MRTFB: variants seen among roughly 807,000 people sequenced by gnomAD.
MRTFB encodes myocardin-related transcription factor B.
Under a neutral mutation model 104.2 loss-of-function variants are expected in MRTFB, and 29 were observed. That is an observed-to-expected ratio of 0.28 (90% confidence interval 0.21 to 0.38). MRTFB has a LOEUF of 0.38. MRTFB is among the 10% of genes least tolerant of loss of function. MRTFB has a pLI of 1.00. For synonymous variants in MRTFB, 535 were observed against 519.5 expected (o/e 1.03, Z -0.41); for missense variants, 1,270 against 1,341.6 (o/e 0.95, Z 0.83).
At chr16:14,098,214 A>G (rs1381411637) in intron 2 of MRTFB, among the ~76,000 whole-genome samples, 3 of 152,274 alleles carry the variant, frequency 2.0e-5, no homozygotes, top group Middle Eastern at 3.4e-3. Flanking sequence ...GCAGTACATG[A>G]GAATTCCAGT....
intron 2 of MRTFB, among the ~76,000 whole-genome samples, chr16:14,132,689 T>A (rs2037499081): frequency 6.6e-6 from 1 of 152,238 alleles, no homozygotes; most frequent in Admixed American, 6.5e-5. Flanking sequence ...GTTGCTGATT[T>A]GAGATGCCCC....
At chr16:14,134,101 G>A (rs1327673652) in intron 2 of MRTFB, among the ~76,000 whole-genome samples, 1 of 152,206 alleles carries the variant, frequency 6.6e-6, no homozygotes. Flanking sequence ...TGGAGGGTTA[G>A]TGTGCAGTTT....
chr16:14,052,178 T>C, the MRTFB span, among the ~76,000 whole-genome samples: 1 of 152,044 alleles, frequency 6.6e-6, no homozygotes, highest in African/African-American at 2.4e-5. Context: ...GTTCTTTACG[T>C]GGTAGGATTG....
intron 1 of MRTFB, among the ~76,000 whole-genome samples, chr16:14,077,207 G>C (rs1287196769): frequency 6.6e-6 from 1 of 152,114 alleles, no homozygotes; most frequent in East Asian, 1.9e-4. Flanking sequence ...ATCTGCCCGT[G>C]TTTTCTTTTA....
the MRTFB span, among the ~76,000 whole-genome samples, chr16:14,006,720 T>A: frequency 6.7e-6 from 1 of 149,066 alleles, no homozygotes; most frequent in African/African-American, 2.5e-5. Flanking sequence ...TTTTTTTTTT[T>A]AAAGAGCTTT....
chr16:14,089,245 TCTGA>T (rs1348916799), intron 2 of MRTFB, among the ~76,000 whole-genome samples: 14 of 152,178 alleles, frequency 9.2e-5, no homozygotes, highest in African/African-American at 2.7e-4. Flanking sequence ...ACCCATCACT[TCTGA>T]CTAATTCCAG....
In MRTFB at chr16:14,248,969, C is replaced by T; in HGVS notation, c.2291C>T (p.Thr764Ile). The T allele has an allele frequency of 6.2e-7, 1 of 1,614,218 alleles. No individual in the cohort carries two copies. The highest frequency in any genetic ancestry group is 8.5e-7 in the Non-Finnish European group (1 of 1,180,036). ...AGMQTQPQIA[T>I]AAQIPTAALA... ...ATGCAGACTCAGCCTCAGATAGCAA[C>T]TGCTGCACAAATACCAACTGCTGCC... The change falls in exon 13 of 17, where the codon ACT becomes ATT. Residue 764 changes from threonine to isoleucine, a missense_variant. This residue lies in a region of MRTFB where 1,144 missense variants were observed against 1,131.5 expected (regional missense o/e 1.01). Transcript: ENST00000571589.
At chr16:14,085,615 T>A (rs2034661978) in intron 2 of MRTFB, among the ~76,000 whole-genome samples, 1 of 152,122 alleles carries the variant, frequency 6.6e-6, no homozygotes, top group Non-Finnish European at 1.5e-5. Context: ...TGGTATTTTA[T>A]TCACTGGTTT....
intron 3 of MRTFB, among the ~76,000 whole-genome samples, chr16:14,183,588 T>G (rs1261267031): frequency 2.0e-5 from 3 of 152,158 alleles, no homozygotes; most frequent in Non-Finnish European, 4.4e-5. Context: ...TGATATTGAT[T>G]ATTATATTTT....
the MRTFB span, among the ~76,000 whole-genome samples, chr16:14,009,000 G>A: frequency 6.9e-6 from 1 of 143,894 alleles, no homozygotes; most frequent in Non-Finnish European, 1.5e-5. Flanking sequence ...CCAGGCTGGA[G>A]TACAGTGGCC....
intron 2 of MRTFB, among the ~76,000 whole-genome samples, chr16:14,129,121 A>T (rs1254844805): frequency 6.6e-6 from 1 of 152,244 alleles, no homozygotes; most frequent in Admixed American, 6.5e-5. Context: ...GTAGTATTCC[A>T]TTGGATGCAT....
intron 3 of MRTFB, among the ~76,000 whole-genome samples, chr16:14,154,634 G>A (rs1025044682): frequency 2.0e-5 from 3 of 152,196 alleles, no homozygotes; most frequent in Non-Finnish European, 2.9e-5. Flanking sequence ...AGGAATTCAG[G>A]CATGTCTTAG....
the MRTFB span, among the ~76,000 whole-genome samples, chr16:14,062,564 C>G: frequency 1.3e-5 from 2 of 152,182 alleles, no homozygotes; most frequent in Non-Finnish European, 2.9e-5. Context: ...CTCCCCACTA[C>G]CCCCGGTGAG....
At chr16:14,244,114 A>G (rs1408534424) in intron 10 of MRTFB, among the ~76,000 whole-genome samples, 1 of 152,068 alleles carries the variant, frequency 6.6e-6, no homozygotes, top group Non-Finnish European at 1.5e-5. Context: ...TCCTGACCTC[A>G]TGATCTGCCC....
intron 8 of MRTFB, among the ~76,000 whole-genome samples, chr16:14,222,973 C>CA (rs142294237): frequency 0.028 from 4,293 of 151,780 alleles, 69 homozygotes; most frequent in Middle Eastern, 0.086. Context: ...TTAAATCCAA[C>CA]AGTTCAAGTC....
the MRTFB span, among the ~76,000 whole-genome samples, chr16:14,040,623 C>A: frequency 2.0e-5 from 3 of 151,984 alleles, no homozygotes; most frequent in Non-Finnish European, 4.4e-5. Context: ...CCACCACAAC[C>A]GGCTAATTTT....
intron 2 of MRTFB, among the ~76,000 whole-genome samples, chr16:14,108,439 T>C (rs548392848): frequency 6.6e-5 from 10 of 152,298 alleles, no homozygotes; most frequent in Non-Finnish European, 1.5e-4. Context: ...AAATGCATAG[T>C]GGTAACATAC....
intron 9 of MRTFB, among the ~76,000 whole-genome samples, chr16:14,234,672 A>G (rs1192777527): frequency 6.6e-6 from 1 of 152,046 alleles, no homozygotes; most frequent in Non-Finnish European, 1.5e-5. Context: ...GTGCATGCCT[A>G]TAGTCTCAGC....
chr16:14,249,130 T>G, intron 13 of MRTFB, 49 bp downstream of exon 13: 1 of 1,586,520 alleles, frequency 6.3e-7, no homozygotes, highest in Non-Finnish European at 8.6e-7. Context: ...TTTACCATCC[T>G]CCGATCATCC....
Sources: gnomAD v4.1 joint callset for allele counts (sites outside exome capture counted in the v4.1 genomes callset) on GRCh38, gnomAD v4.1.1 for gene constraint, gnomAD v4.1.1 regional missense constraint, MANE v1.5 for transcripts, NCBI Gene and HGNC (gene_info 2026-07-23, HGNC 2026-07-21) for gene names.